The following ITCH variants were observed in gnomAD, a reference collection of about 807,000 sequenced individuals.
ITCH encodes the protein itchy E3 ubiquitin protein ligase.
ITCH carries 28 observed loss-of-function variants against 126.8 expected under a neutral mutation model. The ratio of observed to expected loss-of-function variants is 0.22; its 90% CI spans 0.16 to 0.30. The LOEUF (loss-of-function observed/expected upper bound fraction) is 0.30. Ranked by LOEUF, ITCH falls within the 10% of genes least tolerant of loss-of-function variation. The pLI, the probability that ITCH is intolerant of heterozygous loss-of-function variation, is 1.00. For missense variants in ITCH, 631 were observed against 1,032.4 expected (o/e 0.61, Z 5.33); for synonymous variants, 342 against 340.0 (o/e 1.01, Z -0.06).
intron 14 of ITCH, among the ~76,000 whole-genome samples, chr20:34,468,074 G>A (rs1390896759): frequency 1.4e-5 from 2 of 140,090 alleles, no homozygotes; most frequent in African/African-American, 5.4e-5. Flanking sequence ...TCACTTTGTC[G>A]CCCAGGCTGG....
intron 23 of ITCH, among the ~76,000 whole-genome samples, chr20:34,493,528 G>A (rs1201300376): frequency 2.0e-5 from 3 of 151,978 alleles, no homozygotes; most frequent in Non-Finnish European, 2.9e-5. Flanking sequence ...GAAAAGAGGG[G>A]GTAGATACTA....
At chr20:34,475,831 C>T in intron 16 of ITCH, 1 of 726,238 alleles carries the variant, frequency 1.4e-6, no homozygotes, top group Non-Finnish European at 2.4e-6. Context: ...AGTCATAATA[C>T]AGAATCCACT....
intron 19 of ITCH, 50 bp from the exon 20 acceptor site, chr20:34,481,016 T>A (rs1362130953): frequency 6.3e-7 from 1 of 1,582,822 alleles, no homozygotes; most frequent in African/African-American, 1.3e-5. Flanking sequence ...ACTTATAAAT[T>A]ATGATTGAAT....
chr20:34,389,716 A>G (rs1406657991), intron 2 of ITCH, among the ~76,000 whole-genome samples: 5 of 152,186 alleles, frequency 3.3e-5, no homozygotes, highest in African/African-American at 1.2e-4. Flanking sequence ...GGTAATGTGC[A>G]GGTGGTCATG....
At chr20:34,425,788 C>T (rs970484789) in intron 7 of ITCH, among the ~76,000 whole-genome samples, 2 of 152,228 alleles carry the variant, frequency 1.3e-5, no homozygotes, top group Non-Finnish European at 2.9e-5. Context: ...ACACTCCCCT[C>T]GCCAAGATAG....
At chr20:34,471,968 C>A (rs759287104) in intron 16 of ITCH, among the ~76,000 whole-genome samples, 3 of 151,832 alleles carry the variant, frequency 2.0e-5, no homozygotes, top group Non-Finnish European at 2.9e-5. Flanking sequence ...TTACAATAAG[C>A]GTATGTTACT....
At chr20:34,379,300 A>C (rs182262980) in intron 2 of ITCH, among the ~76,000 whole-genome samples, 35 of 152,258 alleles carry the variant, frequency 2.3e-4, no homozygotes, top group Non-Finnish European at 2.2e-4. Flanking sequence ...TTAGGAAAAT[A>C]TCCTAGTTTT....
At chr20:34,473,026 G>C in intron 16 of ITCH, among the ~76,000 whole-genome samples, 1 of 152,056 alleles carries the variant, frequency 6.6e-6, no homozygotes, top group East Asian at 1.9e-4. Flanking sequence ...AAAGTCTTTT[G>C]CAAAATAACT....
At chr20:34,416,911 C>CTTTTTT (rs60272162) in intron 6 of ITCH, among the ~76,000 whole-genome samples, 1 of 132,432 alleles carries the variant, frequency 7.6e-6, no homozygotes, top group African/African-American at 2.8e-5. Flanking sequence ...CTCTTCCTAG[C>CTTTTTT]TTTTTTTTTT....
At chr20:34,391,953 TA>T (rs1314839333) in intron 2 of ITCH, among the ~76,000 whole-genome samples, 1 of 152,222 alleles carries the variant, frequency 6.6e-6, no homozygotes, top group Non-Finnish European at 1.5e-5. Context: ...TTTCTTGCAA[TA>T]AATTATTAGT....
intron 23 of ITCH, among the ~76,000 whole-genome samples, chr20:34,495,632 G>A (rs938148333): frequency 6.6e-6 from 1 of 152,016 alleles, no homozygotes; most frequent in South Asian, 2.1e-4. Context: ...TTTAAAAAAT[G>A]TCTGAAGTAT....
chr20:34,446,755 T>G (rs775989990), intron 11 of ITCH, among the ~76,000 whole-genome samples: 2 of 152,216 alleles, frequency 1.3e-5, no homozygotes, highest in Non-Finnish European at 2.9e-5. Flanking sequence ...AAAACTAGTT[T>G]CCACATGGGT....
chr20:34,467,149 C>T (rs1987144531), intron 14 of ITCH, among the ~76,000 whole-genome samples: 1 of 152,106 alleles, frequency 6.6e-6, no homozygotes, highest in African/African-American at 2.4e-5. Flanking sequence ...TGGACAAATT[C>T]TTTGAAAGAT....
intron 10 of ITCH, among the ~76,000 whole-genome samples, chr20:34,443,484 C>T (rs187734327): frequency 8.1e-5 from 12 of 148,924 alleles, no homozygotes; most frequent in Admixed American, 2.0e-4. Context: ...TCCAGCCTGG[C>T]GACAGATCAA....
At chr20:34,471,582 C>A in intron 16 of ITCH, 67 bp downstream of exon 16, 1 of 959,584 alleles carries the variant, frequency 1.0e-6, no homozygotes, top group South Asian at 1.3e-5. Flanking sequence ...TTGGTGCTGT[C>A]AGTTTAATCT....
intron 16 of ITCH, among the ~76,000 whole-genome samples, chr20:34,474,308 C>T (rs929705466): frequency 1.3e-5 from 2 of 152,296 alleles, no homozygotes; most frequent in East Asian, 3.9e-4. Flanking sequence ...GAGGACCCTG[C>T]GGCCTTCCGC....
At chr20:34,440,992 T>A (rs1459510811) in intron 9 of ITCH, among the ~76,000 whole-genome samples, 1 of 152,074 alleles carries the variant, frequency 6.6e-6, no homozygotes, top group African/African-American at 2.4e-5. Flanking sequence ...CATTATAGGC[T>A]GGGCATGGTG....
intron 16 of ITCH, among the ~76,000 whole-genome samples, chr20:34,475,432 C>A (rs1344015442): frequency 4.6e-5 from 7 of 152,242 alleles, no homozygotes; most frequent in Non-Finnish European, 8.8e-5. Flanking sequence ...GCTGGCGGAT[C>A]ACTCGCGGTT....
rs544939665 is a variant in ITCH at position 34,363,321 on chromosome 20, C to T, written c.-127C>T. The T allele has an allele frequency of 1.3e-5, 2 of 152,650 alleles. No individual in the cohort carries two copies. The highest frequency in any genetic ancestry group is 2.1e-4 in the South Asian group (1 of 4,830). 9.5% of individuals were successfully genotyped at this position (152,650 alleles called of 1,614,324 possible). On this transcript the variant is annotated 5_prime_UTR_variant, in exon 1 of 25. Coordinates refer to ENST00000374864, the MANE Select transcript of ITCH (RefSeq NM_031483.7). ...ACCGGCTGCCATCTTAGTCTAGGGA[C>T]TGAGGAGTCGCCGCCGCCCCGAGTC...
Sources: allele counts gnomAD v4.1 joint callset (sites outside exome capture counted in the v4.1 genomes callset), GRCh38; gene constraint gnomAD v4.1.1; transcripts MANE v1.5; gene names NCBI Gene and HGNC (gene_info 2026-07-23, HGNC 2026-07-21).